TOPAZ1: variants seen among roughly 807,000 people sequenced by gnomAD.
TOPAZ1 encodes testis and ovary specific TOPAZ 1.
Under a neutral mutation model 172.2 loss-of-function variants are expected in TOPAZ1, and 66 were observed. The ratio of observed to expected loss-of-function variants is 0.38; its 90% confidence interval spans 0.31 to 0.47. The LOEUF (loss-of-function observed/expected upper bound fraction) is 0.47, where lower values mean the gene tolerates loss of function less well. Among genes scored for constraint, TOPAZ1 ranks in the 20% least tolerant of loss-of-function variants. The pLI is 0.99. For missense variants in TOPAZ1, 1,822 were observed against 1,972.4 expected (o/e 0.92, Z 1.44); for synonymous variants, 681 against 683.9 (o/e 1.00, Z 0.07).
intron 12 of TOPAZ1, among the ~76,000 whole-genome samples, chr3:44,291,613 A>G (rs1319618190): frequency 6.6e-6 from 1 of 151,814 alleles, no homozygotes; most frequent in Non-Finnish European, 1.5e-5. Context: ...AAATAAATAA[A>G]TAAAAACTGA....
chr3:44,303,683 C>A (rs1372947468), intron 12 of TOPAZ1, among the ~76,000 whole-genome samples: 1 of 151,982 alleles, frequency 6.6e-6, no homozygotes, highest in Non-Finnish European at 1.5e-5. Context: ...AGGGTAGGAG[C>A]AGTAGAGATC....
At chr3:44,279,695 T>C (rs1700001314) in intron 8 of TOPAZ1, among the ~76,000 whole-genome samples, 1 of 152,184 alleles carries the variant, frequency 6.6e-6, no homozygotes, top group Admixed American at 6.5e-5. Context: ...TCAATCTATA[T>C]GTGTCTTTAC....
At chr3:44,292,919 A>G (rs1452009825) in intron 12 of TOPAZ1, among the ~76,000 whole-genome samples, 2 of 152,216 alleles carry the variant, frequency 1.3e-5, no homozygotes, top group African/African-American at 4.8e-5. Context: ...TTTACAGTAT[A>G]TAACTTTGAA....
chr3:44,306,720 T>C (rs1246693651), intron 15 of TOPAZ1, among the ~76,000 whole-genome samples: 4 of 152,162 alleles, frequency 2.6e-5, no homozygotes, highest in African/African-American at 9.7e-5. Context: ...AAATAATTTT[T>C]ATTATAAAAA....
chr3:44,267,031 G>A lies in TOPAZ1; in HGVS notation c.3055G>A (p.Glu1019Lys), dbSNP rs1012306252. The A allele has an allele frequency of 3.2e-6, 5 of 1,546,668 alleles. No homozygotes were observed. Among genetic ancestry groups the A allele is most frequent in the African/African-American group, 2.7e-5 (2 of 72,964 alleles). Residue 1019 changes from glutamate (E) to lysine (K), a missense_variant, in exon 6 of 20, where the codon GAA becomes AAA. By Grantham distance (56) the Glu-to-Lys change is moderately conservative. This residue lies in a region of TOPAZ1 where 1,489 missense variants were observed against 1,490.8 expected (regional missense o/e 1.00). Transcript: ENST00000309765. ...DSRNADFMVG[E>K]CQFAVPVPKP... ...TAGAAATGCAGACTTTATGGTCGGC[G>A]AATGTCAATTTGCAGTACCAGTCCC... is the stretch of plus-strand genomic sequence containing the variant.
At chr3:44,254,860 G>C in intron 2 of TOPAZ1, 108 bp from the exon 3 acceptor site, 3 of 724,580 alleles carry the variant, frequency 4.1e-6, no homozygotes, top group Non-Finnish European at 6.9e-6. Flanking sequence ...TGGAGGACTT[G>C]AGCTGATGTT....
chr3:44,280,005 T>C (rs1700004743), intron 8 of TOPAZ1, among the ~76,000 whole-genome samples: 1 of 152,222 alleles, frequency 6.6e-6, no homozygotes, highest in Non-Finnish European at 1.5e-5. Context: ...TAGATATCAT[T>C]CTTTTCACTT....
chr3:44,256,771 A>G (rs769099830), intron 4 of TOPAZ1, among the ~76,000 whole-genome samples: 8 of 152,160 alleles, frequency 5.3e-5, no homozygotes, highest in Non-Finnish European at 1.0e-4. Flanking sequence ...ATTAGTCAGT[A>G]ATATTTGCTC....
At chr3:44,297,007 A>C (rs1400905455) in intron 12 of TOPAZ1, among the ~76,000 whole-genome samples, 1 of 151,878 alleles carries the variant, frequency 6.6e-6, no homozygotes, top group Non-Finnish European at 1.5e-5. Context: ...CCCCGTCTCT[A>C]CTAAAAATAC....
At chr3:44,290,632 A>G (rs1700126691) in intron 11 of TOPAZ1, 139 bp from the exon 12 acceptor site, 4 of 583,606 alleles carry the variant, frequency 6.9e-6, no homozygotes, top group East Asian at 3.4e-5. Flanking sequence ...CTGTGCCTCA[A>G]TTTTTTTAAA....
intron 9 of TOPAZ1, among the ~76,000 whole-genome samples, chr3:44,282,629 T>C (rs763793594): frequency 5.3e-5 from 8 of 152,142 alleles, no homozygotes; most frequent in East Asian, 1.9e-4. Flanking sequence ...TGCCACCTTC[T>C]CCCCATACTA....
At position 44,309,001 on chromosome 3, in the gene TOPAZ1, T is replaced by G. The variant is rs190187457; in HGVS notation, c.4141-824T>G. 2.3e-4 allele frequency among the ~76,000 whole-genome samples: 35 copies of G among 152,262 alleles called. No individual in the cohort carries two copies. The East Asian group carries it at 6.7e-3, about 29-fold the overall frequency. On this transcript the variant is annotated intron_variant, in intron 15 of 19. Coordinates refer to ENST00000309765, the MANE Select transcript of TOPAZ1 (RefSeq NM_001145030.2). The stretch of plus-strand genomic sequence containing the variant: ...CCCAAAGCCTGTTTTTGTACAGCCC[T>G]CAAGCTAAGACTTTTTCACATTTTT...
chr3:44,279,023 A>G (rs1468174519), intron 8 of TOPAZ1, among the ~76,000 whole-genome samples: 1 of 151,600 alleles, frequency 6.6e-6, no homozygotes, highest in African/African-American at 2.4e-5. Context: ...ATATTTTGGT[A>G]TTTTGTTTTC....
chr3:44,318,862 A>G (rs1210327896), intron 16 of TOPAZ1, among the ~76,000 whole-genome samples: 2 of 148,170 alleles, frequency 1.3e-5, no homozygotes, highest in African/African-American at 2.4e-5. Flanking sequence ...CTTTATATAT[A>G]AAAATATATA....
Position 44,315,278 on chromosome 3 carries a change from G to A in TOPAZ1, c.4306+5288G>A, listed in dbSNP as rs116644772. Among the ~76,000 whole-genome samples the A allele has an allele frequency of 8.9e-3, 1,360 of 152,068 alleles. 20 individuals carry two copies. The highest frequency in any genetic ancestry group is 0.031 in the African/African-American group (1,306 of 41,466). ...GTTTAGCTCACACATGTGGACCAGC[G>A]CCTGTGACTACAGTACGAATATAAG... On this transcript the variant is annotated intron_variant, in intron 16 of 19. Coordinates refer to ENST00000309765, the MANE Select transcript of TOPAZ1 (RefSeq NM_001145030.2).
chr3:44,255,715 ACACACATAT>A, intron 3 of TOPAZ1, among the ~76,000 whole-genome samples: 1 of 20,068 alleles, frequency 5.0e-5, no homozygotes, highest in East Asian at 1.3e-3. Flanking sequence ...ACACACACAC[ACACACATAT>A]ATATATGGTT....
At chr3:44,256,417 A>T in intron 4 of TOPAZ1, 139 bp downstream of exon 4, 1 of 773,632 alleles carries the variant, frequency 1.3e-6, no homozygotes, top group East Asian at 3.2e-5. Context: ...TAGCCATGGG[A>T]TGTATCCCTT....
At chr3:44,284,472 A>G (rs557872789) in intron 9 of TOPAZ1, among the ~76,000 whole-genome samples, 11 of 152,332 alleles carry the variant, frequency 7.2e-5, no homozygotes, top group Admixed American at 6.5e-4. Context: ...AAGGCTGAAT[A>G]ATATCCTGTT....
rs147355584 is a variant in TOPAZ1, at chr3:44,290,781, C to T, written c.3692C>T (p.Ala1231Val). 1.1e-5 allele frequency: 17 copies of T among 1,544,482 alleles called. No homozygotes were observed. The highest frequency in any genetic ancestry group is 8.1e-5 in the Admixed American group (4 of 49,102). The change falls in exon 12 of 20, where the codon GCC (alanine) becomes GTC (valine). Residue 1231 changes from alanine (A) to valine (V), a missense_variant. Ala to Val is a moderately conservative substitution (Grantham distance 64). Coordinates refer to ENST00000309765, the MANE Select transcript of TOPAZ1 (RefSeq NM_001145030.2). ...LIDIFCKLVE[A>V]GMVLDPEHFN... ...TTTTCTCTTCTACAGCTTGTTGAAGCCGGGATGGTGCTTGACCCAGAGCAC... is the reference window on the plus strand; with the variant it reads ...TTTTCTCTTCTACAGCTTGTTGAAGTCGGGATGGTGCTTGACCCAGAGCAC...
Sources: gnomAD v4.1 joint callset for allele counts (sites outside exome capture counted in the v4.1 genomes callset) on GRCh38, gnomAD v4.1.1 for gene constraint, gnomAD v4.1.1 regional missense constraint, MANE v1.5 for transcripts, NCBI Gene and HGNC (gene_info 2026-07-23, HGNC 2026-07-21) for gene names.